KCNT1: variants seen among roughly 807,000 people sequenced by gnomAD.
KCNT1 encodes potassium channel subfamily T member 1.
In KCNT1, 78 loss-of-function variants were observed where a neutral mutation model predicts 147.8. That is an observed-to-expected ratio of 0.53 (90% CI 0.44 to 0.64). The LOEUF (loss-of-function observed/expected upper bound fraction) is 0.64, where lower values mean the gene tolerates loss of function less well. KCNT1 is among the 30% of genes least tolerant of loss of function. The pLI is 0.00. For missense variants in KCNT1, 1,419 were observed against 1,750.3 expected, an observed-to-expected ratio of 0.81 and a Z score of 3.38; for synonymous variants, 867 against 748.8, an observed-to-expected ratio of 1.16 and a Z score of -2.58.
intron 10 of KCNT1, among the ~76,000 whole-genome samples, chr9:135,758,891 G>A (rs1339384373): frequency 6.6e-6 from 1 of 151,970 alleles, no homozygotes; most frequent in Non-Finnish European, 1.5e-5. Context: ...AGCTGCGAGG[G>A]CCTCCAGCCC....
At chr9:135,728,587 G>A (rs1333358455) in intron 2 of KCNT1, among the ~76,000 whole-genome samples, 5 of 152,222 alleles carry the variant, frequency 3.3e-5, no homozygotes, top group African/African-American at 9.6e-5. Context: ...CAGAACTCAG[G>A]GAGGCCAAGG....
intron 11 of KCNT1, among the ~76,000 whole-genome samples, chr9:135,760,519 C>T (rs893825617): frequency 3.3e-5 from 5 of 152,178 alleles, no homozygotes; most frequent in Non-Finnish European, 7.4e-5. Flanking sequence ...GGAGGAAGAG[C>T]CTGAGGAGGT....
intron 19 of KCNT1, 79 bp downstream of exon 19, chr9:135,773,028 TTGG>T: frequency 1.0e-6 from 1 of 1,000,058 alleles, no homozygotes; most frequent in Non-Finnish European, 1.4e-6. Flanking sequence ...CGGAGCATCC[TTGG>T]TGGTCCCCCA....
intron 10 of KCNT1, 45 bp downstream of exon 10, chr9:135,758,553 G>T (rs762555661): frequency 3.3e-6 from 5 of 1,507,786 alleles, no homozygotes; most frequent in South Asian, 2.2e-5. Flanking sequence ...CGTTGGGAGG[G>T]CCCGAGAGGC....
chr9:135,778,887 TG>T, intron 23 of KCNT1, 65 bp downstream of exon 23: 1 of 1,554,676 alleles, frequency 6.4e-7, no homozygotes, highest in Admixed American at 1.8e-5. Context: ...GCCCTCGCCC[TG>T]AGACCCCCAC....
rs928862566 is a variant in KCNT1 at position 135,730,552 on chromosome 9, AG to A, written c.254+15836del. Among the ~76,000 whole-genome samples the A allele has an allele frequency of 5.3e-5, 8 of 151,998 alleles. No individual in the cohort carries two copies. The highest frequency in any genetic ancestry group is 5.2e-4 in the Admixed American group (8 of 15,252). On this transcript the variant is annotated intron_variant, in intron 2 of 30. Coordinates refer to ENST00000371757, the MANE Select transcript of KCNT1 (RefSeq NM_020822.3). This position sits in a 1 kb window ranked among gnomAD's most constrained non-coding sequence, Gnocchi z 4.7. ...AAGCAAGGACTGGAGCGATGGGAGG[AG>A]GGGCCCAGCCGGGGAGGGTGGTGGT... is the stretch of plus-strand genomic sequence containing the variant.
chr9:135,763,771 G>A lies in KCNT1; in HGVS notation c.1036-1260G>A, dbSNP rs1203161606. Among the ~76,000 whole-genome samples the A allele has an allele frequency of 3.9e-5, 6 of 152,312 alleles. No homozygotes were observed. The East Asian group carries it at 9.6e-4, about 24-fold the overall frequency. ...TATTTCCAATCAGATCACATGGCGAGGTTCTGGGCAGATAGGACTTTTAGG... is the reference window on the plus strand; with the variant it reads ...TATTTCCAATCAGATCACATGGCGAAGTTCTGGGCAGATAGGACTTTTAGG... On this transcript the variant is annotated intron_variant, in intron 11 of 30. Transcript: ENST00000371757.
intron 2 of KCNT1, among the ~76,000 whole-genome samples, chr9:135,727,621 G>A (rs1017650615): frequency 2.0e-5 from 3 of 152,128 alleles, no homozygotes; most frequent in African/African-American, 7.2e-5. Context: ...TGGTACTGTT[G>A]TGCCTTTGAA....
intron 2 of KCNT1, among the ~76,000 whole-genome samples, chr9:135,748,487 T>G (rs1028236893): frequency 6.6e-6 from 1 of 152,230 alleles, no homozygotes; most frequent in Admixed American, 6.5e-5. Flanking sequence ...CAGATTCGAT[T>G]GATAGGAGCC....
intron 3 of KCNT1, 38 bp from the exon 4 acceptor site, chr9:135,750,904 G>T: frequency 6.3e-7 from 1 of 1,593,640 alleles, no homozygotes; most frequent in Non-Finnish European, 8.6e-7. Context: ...GAAGCCCAGA[G>T]CTGGGTCAGA....
At position 135,714,693 on chromosome 9, in the gene KCNT1, G is replaced by A; in HGVS notation, c.227G>A (p.Gly76Asp). The A allele has an allele frequency of 6.8e-7, 1 of 1,465,288 alleles. No individual in the cohort carries two copies. The highest frequency in any genetic ancestry group is 9.1e-7 in the Non-Finnish European group (1 of 1,097,256). The allele number at this position is 1,465,288 out of a possible 1,614,324, so 90.8% of individuals were successfully genotyped here. A position where few individuals can be genotyped will look rare whatever the true frequency, so the allele number is the denominator to read the frequency against. ...TACCGCTTCCGGGACCTGCTGCTGGGCGACCCGTCCTTCCAGAACGACGAC... is the reference window on the plus strand; with the variant it reads ...TACCGCTTCCGGGACCTGCTGCTGGACGACCCGTCCTTCCAGAACGACGAC... ...PRYRFRDLLL[G>D]DPSFQNDDRV... Residue 76 changes from glycine to aspartate, a missense_variant, in exon 2 of 31, where the codon GGC becomes GAC. Physicochemically the swap from Gly to Asp is moderately conservative, Grantham distance 94 (BLOSUM62 -1). This residue lies in a region of KCNT1 where 181 missense variants were observed against 155.7 expected (regional missense o/e 1.16). Transcript: ENST00000371757. The surrounding 1 kb of genome is among the most constrained non-coding windows in gnomAD (Gnocchi z 6.2).
Position 135,772,903 on chromosome 9 carries a change from G to T in KCNT1, c.2197G>T (p.Glu733Ter). The change falls in exon 19 of 31, where the codon GAG becomes TAG. Residue 733 changes from glutamate (E) to a stop codon, truncating the protein, a stop_gained. Coordinates refer to ENST00000371757, the MANE Select transcript of KCNT1 (RefSeq NM_020822.3). LOFTEE classifies it high-confidence loss of function. The stretch of plus-strand genomic sequence containing the variant: ...CTGCGACCTGCTGAGCGACCAGTCG[G>T]AGGATGAGGTGACGCCGTCGGACGA... Reference protein sequence around the residue: ...LPCDLLSDQSEDEVTPSDDEG... With the variant: ...LPCDLLSDQS The T allele has an allele frequency of 6.4e-7, 1 of 1,551,618 alleles. No homozygotes were observed.
intron 2 of KCNT1, among the ~76,000 whole-genome samples, chr9:135,737,385 A>G (rs1027230071): frequency 2.6e-5 from 4 of 152,138 alleles, no homozygotes; most frequent in African/African-American, 7.2e-5. Flanking sequence ...CAGCACCCCC[A>G]TTTCACGGAT....
At chr9:135,785,526 C>G (rs985412242) in intron 28 of KCNT1, 196 bp downstream of exon 28, 1 of 717,370 alleles carries the variant, frequency 1.4e-6, no homozygotes, top group Admixed American at 2.1e-5. Flanking sequence ...CCCTCCTGCA[C>G]TGGTGGTGGG....
At position 135,722,727 on chromosome 9, in the gene KCNT1, C is replaced by A. The variant is rs201309218; in HGVS notation, c.254+8007C>A. 7.2e-5 allele frequency among the ~76,000 whole-genome samples: 11 copies of A among 152,316 alleles called. No homozygotes were observed. The East Asian group carries it at 1.9e-3, about 27-fold the overall frequency. On this transcript the variant is annotated intron_variant, in intron 2 of 30. Coordinates refer to ENST00000371757, the MANE Select transcript of KCNT1 (RefSeq NM_020822.3). ...GCTTGCACGTGGCGTCTTCTCACTGCGCCCACGGGGCAGAGAATGCAGGCT... is the reference window on the plus strand; with the variant it reads ...GCTTGCACGTGGCGTCTTCTCACTGAGCCCACGGGGCAGAGAATGCAGGCT...
intron 24 of KCNT1, among the ~76,000 whole-genome samples, chr9:135,783,545 T>C (rs1833779506): frequency 6.6e-6 from 1 of 152,196 alleles, no homozygotes; most frequent in Non-Finnish European, 1.5e-5. Flanking sequence ...GGAAACTCAG[T>C]GGGTCCATTG....
chr9:135,778,172 C>A (rs2131547458), intron 21 of KCNT1, among the ~76,000 whole-genome samples: 1 of 152,328 alleles, frequency 6.6e-6, no homozygotes, highest in African/African-American at 2.4e-5. Flanking sequence ...ACCCTAGGAC[C>A]CTGACAGCTG....
Position 135,770,299 on chromosome 9 carries a change from G to A in KCNT1, c.1621G>A (p.Glu541Lys), listed in dbSNP as rs753040489. The A allele has an allele frequency of 5.7e-6, 9 of 1,592,092 alleles. No homozygotes were observed. The highest frequency in any genetic ancestry group is 1.3e-5 in the African/African-American group (1 of 74,420). Residue 541 changes from glutamate to lysine, a missense_variant and splice_region_variant, in exon 17 of 31, where the codon GAG (glutamate) becomes AAG (lysine). Glu to Lys is a moderately conservative substitution (Grantham distance 56, BLOSUM62 1). Coordinates refer to ENST00000371757, the MANE Select transcript of KCNT1 (RefSeq NM_020822.3). ...CCCTGGCCCCGCCCTGGCCCACAGGGAGGGACAGGAGTCTCCGGAGCAGTG... is the reference window on the plus strand; with the variant it reads ...CCCTGGCCCCGCCCTGGCCCACAGGAAGGGACAGGAGTCTCCGGAGCAGTG... ...TLLVHTSRGQ[E>K]GQESPEQWQR...
At chr9:135,792,016 C>T in intron 30 of KCNT1, 25 bp from the exon 31 acceptor site, 5 of 1,603,534 alleles carry the variant, frequency 3.1e-6, no homozygotes, top group Non-Finnish European at 4.2e-6. Context: ...ACATCCACTC[C>T]AGGGTCCTCT....
Sources: allele counts gnomAD v4.1 joint callset (sites outside exome capture counted in the v4.1 genomes callset), GRCh38; gene constraint gnomAD v4.1.1; regional missense constraint gnomAD v4.1.1; non-coding constraint Gnocchi (gnomAD v3.1); transcripts MANE v1.5; gene names NCBI Gene and HGNC (gene_info 2026-07-23, HGNC 2026-07-21).